The following PFKFB4 variants were observed in gnomAD, a reference collection of about 807,000 sequenced individuals.
PFKFB4 encodes 6-phosphofructo-2-kinase/fructose-2,6-bisphosphatase 4.
Under a neutral mutation model 62.8 loss-of-function variants are expected in PFKFB4, and 42 were observed. That is an observed-to-expected ratio of 0.67 (90% confidence interval 0.52 to 0.86). The LOEUF is 0.86. Ranked by LOEUF, PFKFB4 falls within the 40% of genes least tolerant of loss-of-function variation. The pLI, the probability that PFKFB4 is intolerant of heterozygous loss-of-function variation, is 0.00. For missense variants in PFKFB4, 475 were observed against 627.2 expected (o/e 0.76, Z 2.59); for synonymous variants, 204 against 240.7 (o/e 0.85, Z 1.41).
At chr3:48,556,865 C>T, upstream of PFKFB4, 1 of 1,483,458 alleles carries the variant, frequency 6.7e-7, no homozygotes, top group Non-Finnish European at 8.9e-7. The surrounding 1 kb of genome is among the most constrained non-coding windows in gnomAD (Gnocchi z 5.7). Flanking sequence ...CCTTGGGCCC[C>T]GCCCCTCCTC....
chr3:48,552,581 G>C (rs1039731705), intron 1 of PFKFB4, among the ~76,000 whole-genome samples: 2 of 152,214 alleles, frequency 1.3e-5, no homozygotes, highest in Non-Finnish European at 2.9e-5. Context: ...GCTGAGGCCC[G>C]CATTGTGCAT....
upstream of PFKFB4, chr3:48,560,974 G>C: frequency 1.5e-6 from 1 of 658,082 alleles, no homozygotes; most frequent in South Asian, 2.4e-5. Context: ...CAACACTCTC[G>C]CACCCCTCCA....
intron 10 of PFKFB4, 122 bp from the exon 11 acceptor site, chr3:48,523,952 G>GAGGAGGCCCA: frequency 1.8e-6 from 2 of 1,141,422 alleles, no homozygotes; most frequent in Non-Finnish European, 2.5e-6. Flanking sequence ...GCTGTGGCTG[G>GAGGAGGCCCA]GCCTCCTCCA....
At position 48,523,664 on chromosome 3, in the gene PFKFB4, C is replaced by T. The variant is rs1049857171; in HGVS notation, c.1222+37G>A. On this transcript the variant is annotated intron_variant, in intron 11 of 13. Transcript: ENST00000232375. ...CCTGGTGACAGTGCCTACCTTCTCA[C>T]ACAACCTTCCCACCTCCCCCGGGGC... 5.0e-6 allele frequency: 8 copies of T among 1,614,002 alleles called. No homozygotes were observed. The African/African-American group carries it at 5.3e-5, about 11-fold the overall frequency.
chr3:48,534,837 A>G (rs1156373485), intron 9 of PFKFB4, among the ~76,000 whole-genome samples: 2 of 151,554 alleles, frequency 1.3e-5, no homozygotes, highest in African/African-American at 4.9e-5. Flanking sequence ...GAGACAGAAC[A>G]TCACTCTGTT....
chr3:48,560,032 C>T (rs2043409043), upstream of PFKFB4, among the ~76,000 whole-genome samples: 2 of 152,200 alleles, frequency 1.3e-5, no homozygotes, highest in Admixed American at 1.3e-4. Flanking sequence ...TCAAGCGATC[C>T]TCCCGCCTCA....
At chr3:48,534,077 T>C (rs2042515862) in intron 9 of PFKFB4, among the ~76,000 whole-genome samples, 1 of 152,022 alleles carries the variant, frequency 6.6e-6, no homozygotes, top group East Asian at 1.9e-4. Flanking sequence ...ACACCACATC[T>C]GATATGAAAA....
chr3:48,552,141 G>A (rs2043174948), intron 1 of PFKFB4, among the ~76,000 whole-genome samples: 2 of 152,198 alleles, frequency 1.3e-5, no homozygotes, highest in Non-Finnish European at 2.9e-5. Context: ...TGGGAACTCT[G>A]AGCCTCGGTG....
chr3:48,529,816 T>C (rs1239402352), intron 9 of PFKFB4, among the ~76,000 whole-genome samples: 1 of 152,130 alleles, frequency 6.6e-6, no homozygotes, highest in African/African-American at 2.4e-5. Context: ...TAGCCAGGCG[T>C]AGTGTTGCAC....
chr3:48,555,699 CAGCCCAGACAACAT>C (rs1189502850), intron 1 of PFKFB4, among the ~76,000 whole-genome samples: 1 of 151,126 alleles, frequency 6.6e-6, no homozygotes, highest in Non-Finnish European at 1.5e-5. Flanking sequence ...AGTTGGAGAC[CAGCCCAGACAACAT>C]AGCAAGACCC....
At chr3:48,543,443 C>T (rs2042857405) in intron 4 of PFKFB4, 137 bp downstream of exon 4, 1 of 759,132 alleles carries the variant, frequency 1.3e-6, no homozygotes, top group African/African-American at 1.7e-5. Flanking sequence ...TTGCAGACTT[C>T]CTCCCAAGGG....
Position 48,536,456 on chromosome 3 carries a change from A to G in PFKFB4, c.640T>C (p.Ser214Pro), listed in dbSNP as rs1387536597. The change falls in exon 8 of 14, where the codon TCC becomes CCC. Residue 214 changes from serine (S) to proline (P), a missense_variant. Coordinates refer to ENST00000232375, the MANE Select transcript of PFKFB4 (RefSeq NM_004567.4). Reference sequence around the variant, plus strand: ...CCCACATCCATGATCTTGATATAGGACAGGTCCCTGTCCAGAGAGAAAGTA... The same window carrying G: ...CCCACATCCATGATCTTGATATAGGGCAGGTCCCTGTCCAGAGAGAAAGTA... ...SLDEDLDRDL[S>P]YIKIMDVGQS... 6.2e-7 allele frequency: 1 copy of G among 1,608,588 alleles called. No homozygotes were observed. The highest frequency in any genetic ancestry group is 8.5e-7 in the Non-Finnish European group (1 of 1,175,190).
In PFKFB4 at chr3:48,551,475, C is replaced by T. The variant is rs1291884697; in HGVS notation, c.98-1241G>A. ...CAGGTGATCCGACTGCCTGGGCCTC[C>T]CAAAGTGCTGGGATTACAGGTGTGA... On this transcript the variant is annotated intron_variant, in intron 1 of 13. Coordinates refer to ENST00000232375, the MANE Select transcript of PFKFB4 (RefSeq NM_004567.4). Among the ~76,000 whole-genome samples, 3 of 148,724 alleles carry T rather than the reference C, an allele frequency of 2.0e-5. No individual in the cohort carries two copies. In the East Asian group the frequency reaches 5.9e-4, roughly 29 times the overall value.
intron 6 of PFKFB4, 107 bp downstream of exon 6, chr3:48,539,147 C>T: frequency 1.2e-6 from 1 of 844,360 alleles, no homozygotes; most frequent in South Asian, 1.4e-5. Flanking sequence ...AGTTACACTT[C>T]CTCCCTACCC....
rs74891448 is a variant in PFKFB4 at position 48,543,578 on chromosome 3, A to C, written c.378+2T>G. 1 of 1,606,636 alleles carries C rather than the reference A, an allele frequency of 6.2e-7. No homozygotes were observed. Among genetic ancestry groups the C allele is most frequent in the Non-Finnish European group, 8.5e-7 (1 of 1,176,876 alleles). On this transcript the variant is annotated splice_donor_variant, in intron 4 of 13. Transcript: ENST00000232375. LOFTEE classifies it high-confidence loss of function. ...CAGCTGTCACCAGGGTGTCACACTC[A>C]CCGCCACATGTCCCCCCTCCTCACT...
At chr3:48,563,131 G>A, upstream of PFKFB4, 1 of 1,605,616 alleles carries the variant, frequency 6.2e-7, no homozygotes. This position sits in a 1 kb window ranked among gnomAD's most constrained non-coding sequence, Gnocchi z 4.5. Flanking sequence ...TCATCGTGAG[G>A]TCAGGCTGCA....
chr3:48,530,508 C>T (rs1183776517), intron 9 of PFKFB4, among the ~76,000 whole-genome samples: 3 of 151,608 alleles, frequency 2.0e-5, no homozygotes, highest in African/African-American at 4.9e-5. Flanking sequence ...ACATTGCCTA[C>T]CTTTCAAATA....
intron 8 of PFKFB4, 109 bp from the exon 9 acceptor site, chr3:48,535,767 G>A (rs1463195694): frequency 1.5e-6 from 2 of 1,306,206 alleles, no homozygotes; most frequent in Admixed American, 4.3e-5. Flanking sequence ...ACTCACTACA[G>A]GTTTGGTAAA....
upstream of PFKFB4, among the ~76,000 whole-genome samples, chr3:48,558,241 T>G (rs185994957): frequency 8.5e-5 from 13 of 152,176 alleles, no homozygotes; most frequent in East Asian, 2.5e-3. Flanking sequence ...TCCTGCAGTT[T>G]CCCGCCTCCT....
Sources: allele counts gnomAD v4.1 joint callset (sites outside exome capture counted in the v4.1 genomes callset), GRCh38; gene constraint gnomAD v4.1.1; non-coding constraint Gnocchi (gnomAD v3.1); transcripts MANE v1.5; gene names NCBI Gene and HGNC (gene_info 2026-07-23, HGNC 2026-07-21).